The following ARHGAP6 variants were observed in gnomAD, a reference collection of about 807,000 sequenced individuals.
ARHGAP6 encodes rho GTPase-activating protein 6.
ARHGAP6 carries 16 observed loss-of-function variants against 55.7 expected under a neutral mutation model. That is an observed-to-expected ratio of 0.29 (90% CI 0.19 to 0.44). The LOEUF is 0.44. ARHGAP6 is among the 20% of genes least tolerant of loss of function. The pLI is 1.00. For missense variants in ARHGAP6, 698 were observed against 808.9 expected, an observed-to-expected ratio of 0.86 and a Z score of 1.66; for synonymous variants, 382 against 360.9, an observed-to-expected ratio of 1.06 and a Z score of -0.66.
At chrX:11,596,899 G>A (rs1238763439) in intron 1 of ARHGAP6, among the ~76,000 whole-genome samples, 1 of 111,759 alleles carries the variant, frequency 8.9e-6, no homozygotes, top group African/African-American at 3.3e-5. Flanking sequence ...ACTAATGTGT[G>A]GCACTTTTCA....
intron 1 of ARHGAP6, among the ~76,000 whole-genome samples, chrX:11,593,597 G>C (rs917979820): frequency 8.9e-6 from 1 of 112,036 alleles, no homozygotes; most frequent in African/African-American, 3.2e-5. Context: ...GGGTGATAAA[G>C]ATATGTCAGT....
chrX:11,350,723 C>A (rs2048852158), intron 1 of ARHGAP6, among the ~76,000 whole-genome samples: 1 of 111,697 alleles, frequency 9.0e-6, no homozygotes, highest in Non-Finnish European at 1.9e-5. Context: ...AGTTATTTTC[C>A]CTTTGGGTCA....
At chrX:11,218,996 C>G (rs1312078075) in intron 2 of ARHGAP6, among the ~76,000 whole-genome samples, 1 of 105,797 alleles carries the variant, frequency 9.5e-6, no homozygotes, top group Non-Finnish European at 1.9e-5. Flanking sequence ...ACTAACTCGT[C>G]GTCTAGCATT....
chrX:11,611,630 C>T (rs931767350), intron 1 of ARHGAP6, among the ~76,000 whole-genome samples: 45 of 111,803 alleles, frequency 4.0e-4, no homozygotes, highest in African/African-American at 1.5e-3. Flanking sequence ...TCTTAAAAAA[C>T]CTTCCAAAGG....
intron 1 of ARHGAP6, among the ~76,000 whole-genome samples, chrX:11,413,367 G>A (rs1210123077): frequency 9.0e-6 from 1 of 111,488 alleles, no homozygotes; most frequent in African/African-American, 3.3e-5. Context: ...AGCTAAAGCT[G>A]TTAAGACGTC....
chrX:11,484,744 C>A (rs6654748), intron 1 of ARHGAP6, among the ~76,000 whole-genome samples: 94 of 112,238 alleles, frequency 8.4e-4, no homozygotes, highest in African/African-American at 3.0e-3. Flanking sequence ...CTAAAATTTA[C>A]TGGCTGCTTC....
intron 1 of ARHGAP6, among the ~76,000 whole-genome samples, chrX:11,386,531 A>G (rs988993507): frequency 9.0e-6 from 1 of 111,377 alleles, no homozygotes; most frequent in African/African-American, 3.3e-5. Context: ...CCTGGCCCAG[A>G]TCCACCGGCC....
intron 2 of ARHGAP6, among the ~76,000 whole-genome samples, chrX:11,240,819 T>G (rs950060422): frequency 2.8e-5 from 3 of 108,205 alleles, no homozygotes; most frequent in African/African-American, 1.0e-4. Flanking sequence ...CCGAGGCAGG[T>G]GGATCCCTTG....
rs765306052 is a variant in ARHGAP6 at position 11,298,682 on chromosome X, C to T, written c.589-43975G>A. 7.5e-5 allele frequency: 91 copies of T among 1,208,482 alleles called. No homozygotes were observed. In the East Asian group the frequency reaches 1.5e-3, roughly 20 times the overall value. On this transcript the variant is annotated intron_variant, in intron 1 of 12. Coordinates refer to ENST00000337414, the MANE Select transcript of ARHGAP6 (RefSeq NM_013427.3). ...TCCCAGTGGTGCCAGCTCAGCAGCCCGTGATCCCCCAGCAACCAATGATGC... is the reference window on the plus strand; with the variant it reads ...TCCCAGTGGTGCCAGCTCAGCAGCCTGTGATCCCCCAGCAACCAATGATGC...
At chrX:11,491,754 G>T (rs1383659893) in intron 1 of ARHGAP6, among the ~76,000 whole-genome samples, 1 of 110,468 alleles carries the variant, frequency 9.1e-6, no homozygotes, top group African/African-American at 3.3e-5. Context: ...GGTTCAAATG[G>T]TATTTCTAGT....
chrX:11,228,337 T>A (rs1182238985), intron 2 of ARHGAP6, among the ~76,000 whole-genome samples: 2 of 112,147 alleles, frequency 1.8e-5, no homozygotes, highest in East Asian at 2.8e-4. Context: ...AATTAAAAAA[T>A]TTAAGTATTT....
At chrX:11,263,287 C>T (rs1284580955) in intron 1 of ARHGAP6, among the ~76,000 whole-genome samples, 1 of 111,279 alleles carries the variant, frequency 9.0e-6, no homozygotes, top group Non-Finnish European at 1.9e-5. Flanking sequence ...CTGTTGCCTT[C>T]CATCCTGAGT....
intron 1 of ARHGAP6, among the ~76,000 whole-genome samples, chrX:11,313,076 G>A (rs763408260): frequency 1.8e-5 from 2 of 112,321 alleles, no homozygotes; most frequent in Non-Finnish European, 3.8e-5. Context: ...AACCTTAAGA[G>A]GTAGGTACTG....
At chrX:11,292,735 A>G (rs1446653164) in intron 1 of ARHGAP6, among the ~76,000 whole-genome samples, 1 of 112,269 alleles carries the variant, frequency 8.9e-6, no homozygotes, top group Non-Finnish European at 1.9e-5. Flanking sequence ...GATCATCAGT[A>G]AAAGCTTTGC....
chrX:11,265,757 T>C, intron 1 of ARHGAP6: 1 of 928,102 alleles, frequency 1.1e-6, no homozygotes, highest in Non-Finnish European at 1.3e-6. Flanking sequence ...AGTAGGAAGT[T>C]GAGTCTGTTT....
At chrX:11,635,554 G>A (rs1475681710) in intron 1 of ARHGAP6, among the ~76,000 whole-genome samples, 2 of 111,430 alleles carry the variant, frequency 1.8e-5, no homozygotes, top group Admixed American at 1.9e-4. Context: ...TGCTAGTAAA[G>A]GTCTGGTTGT....
intron 1 of ARHGAP6, among the ~76,000 whole-genome samples, chrX:11,584,363 T>A (rs1465488500): frequency 8.9e-6 from 1 of 112,174 alleles, no homozygotes; most frequent in Non-Finnish European, 1.9e-5. Context: ...AAATGAAAAC[T>A]AATGTCAGCC....
chrX:11,335,396 G>A (rs1281012612), intron 1 of ARHGAP6, among the ~76,000 whole-genome samples: 8 of 110,527 alleles, frequency 7.2e-5, no homozygotes, highest in East Asian at 2.8e-4. Context: ...GACAGGCCCC[G>A]GTGTGTAATA....
intron 1 of ARHGAP6, among the ~76,000 whole-genome samples, chrX:11,355,916 A>T (rs965082328): frequency 4.5e-5 from 5 of 111,340 alleles, no homozygotes; most frequent in African/African-American, 1.6e-4. Context: ...CTAATTAATT[A>T]ATAAAGGCTC....
Sources: gnomAD v4.1 joint callset for allele counts (sites outside exome capture counted in the v4.1 genomes callset) on GRCh38, gnomAD v4.1.1 for gene constraint, MANE v1.5 for transcripts, NCBI Gene and HGNC (gene_info 2026-07-23, HGNC 2026-07-21) for gene names.